ABHD3: variants seen among roughly 807,000 people sequenced by gnomAD.
ABHD3 encodes the protein abhydrolase domain containing 3, phospholipase.
A neutral mutation model predicts 48.8 loss-of-function variants in ABHD3; 46 were observed. That is an observed-to-expected ratio of 0.94 (90% CI 0.74 to 1.20). ABHD3 has a LOEUF of 1.20. Ranked by LOEUF, ABHD3 falls within the 50% of genes most tolerant of loss-of-function variation. ABHD3 has a pLI of 0.00. For missense variants in ABHD3, 490 were observed against 497.8 expected (o/e 0.98, Z 0.15); for synonymous variants, 192 against 183.7 (o/e 1.04, Z -0.36).
At chr18:21,660,155 T>G (rs1444014019) in intron 5 of ABHD3, among the ~76,000 whole-genome samples, 11 of 148,068 alleles carry the variant, frequency 7.4e-5, no homozygotes, top group Non-Finnish European at 1.5e-4. Flanking sequence ...AAATTTTTTT[T>G]TTTTTTTTGT....
At chr18:21,678,424 A>C (rs1344069663) in intron 4 of ABHD3, among the ~76,000 whole-genome samples, 1 of 152,158 alleles carries the variant, frequency 6.6e-6, no homozygotes, top group Non-Finnish European at 1.5e-5. Flanking sequence ...ATAACTAAAA[A>C]TAGGGAACCC....
intron 3 of ABHD3, among the ~76,000 whole-genome samples, chr18:21,693,964 G>A (rs138909361): frequency 2.9e-4 from 44 of 152,174 alleles, no homozygotes; most frequent in Non-Finnish European, 6.2e-4. Flanking sequence ...TCTGTAGCTA[G>A]ACTCTCCACC....
At position 21,651,485 on chromosome 18, in the gene ABHD3, C is replaced by A. The variant is rs1466502904; in HGVS notation, c.*106G>T. On this transcript the variant is annotated 3_prime_UTR_variant, in exon 9 of 9. Coordinates refer to ENST00000289119, the MANE Select transcript of ABHD3 (RefSeq NM_138340.5). ...GCATATCATTCTGGACCTCTTCACC[C>A]ATCTGCTGGCTTATTTGCTTTATAT... 7.6e-7 allele frequency: 1 copy of A among 1,317,712 alleles called. No homozygotes were observed. Among genetic ancestry groups the A allele is most frequent in the Admixed American group, 2.1e-5 (1 of 46,804 alleles). 81.6% of individuals were successfully genotyped at this position (1,317,712 alleles called of 1,614,324 possible).
intron 4 of ABHD3, among the ~76,000 whole-genome samples, chr18:21,681,285 ATTC>A (rs2146314866): frequency 6.6e-6 from 1 of 152,236 alleles, no homozygotes; most frequent in East Asian, 1.9e-4. Context: ...AATCTCACAA[ATTC>A]TTCTAAATTT....
intron 3 of ABHD3, among the ~76,000 whole-genome samples, chr18:21,685,990 G>A (rs1342703886): frequency 6.6e-6 from 1 of 152,202 alleles, no homozygotes; most frequent in Non-Finnish European, 1.5e-5. Flanking sequence ...GAGCCACCGT[G>A]CCCGGCCAGC....
intron 4 of ABHD3, among the ~76,000 whole-genome samples, chr18:21,668,535 G>C (rs1230073499): frequency 1.3e-5 from 2 of 152,134 alleles, no homozygotes; most frequent in African/African-American, 4.8e-5. Context: ...AAGGACCATA[G>C]ATGTCACTTG....
intron 3 of ABHD3, among the ~76,000 whole-genome samples, chr18:21,692,240 G>A (rs1051882565): frequency 1.1e-4 from 16 of 152,216 alleles, no homozygotes; most frequent in East Asian, 3.9e-4. Context: ...GTGAGCCACC[G>A]CACCCGGCCC....
chr18:21,672,503 T>C (rs1461919087), intron 4 of ABHD3, among the ~76,000 whole-genome samples: 1 of 152,260 alleles, frequency 6.6e-6, no homozygotes, highest in Non-Finnish European at 1.5e-5. Flanking sequence ...AATATTTCAT[T>C]GAGTATTCCT....
chr18:21,688,285 T>G (rs1172889230), intron 3 of ABHD3, among the ~76,000 whole-genome samples: 1 of 152,204 alleles, frequency 6.6e-6, no homozygotes, highest in Non-Finnish European at 1.5e-5. Context: ...AGTTCTAAGA[T>G]TCCCCAAATC....
chr18:21,673,412 G>A (rs921788009), intron 4 of ABHD3, among the ~76,000 whole-genome samples: 2 of 151,974 alleles, frequency 1.3e-5, no homozygotes, highest in Non-Finnish European at 2.9e-5. Flanking sequence ...TCCTGCCTCA[G>A]CCTCCGAGTA....
intron 3 of ABHD3, among the ~76,000 whole-genome samples, chr18:21,699,355 C>T (rs1022005195): frequency 3.3e-5 from 5 of 152,164 alleles, no homozygotes; most frequent in Admixed American, 2.0e-4. Context: ...AAACACATTC[C>T]GTCATATTAC....
intron 3 of ABHD3, among the ~76,000 whole-genome samples, chr18:21,698,939 C>CT (rs59134939): frequency 0.25 from 36,765 of 147,548 alleles, 5,046 homozygotes; most frequent in African/African-American, 0.38. Context: ...GTACTTTACA[C>CT]TTTTTTTTTT....
At position 21,688,753 on chromosome 18, in the gene ABHD3, G is replaced by A. The variant is rs78501147; in HGVS notation, c.510-4788C>T. The stretch of plus-strand genomic sequence containing the variant: ...TTCATAAAAGGTAGACAGATCTTAT[G>A]TTAGGACTTGAAAAACAGTAAAGAT... On this transcript the variant is annotated intron_variant, in intron 3 of 8. Transcript: ENST00000289119. Among the ~76,000 whole-genome samples the A allele has an allele frequency of 1.0e-3, 158 of 152,282 alleles. 2 individuals are homozygous for A. The East Asian group carries it at 0.029, about 28-fold the overall frequency.
At chr18:21,661,125 A>G (rs899008618) in intron 5 of ABHD3, among the ~76,000 whole-genome samples, 2 of 150,916 alleles carry the variant, frequency 1.3e-5, no homozygotes, top group Non-Finnish European at 3.0e-5. Flanking sequence ...AAAAAAAAAA[A>G]AGAGAAATAA....
intron 6 of ABHD3, among the ~76,000 whole-genome samples, chr18:21,658,761 AAC>A (rs1389510146): frequency 6.6e-6 from 1 of 152,206 alleles, no homozygotes; most frequent in Admixed American, 6.5e-5. Context: ...TCAGTGTATA[AAC>A]ACATATACAT....
chr18:21,703,030 A>G (rs987059061), intron 2 of ABHD3, among the ~76,000 whole-genome samples: 3 of 152,180 alleles, frequency 2.0e-5, no homozygotes, highest in Admixed American at 6.5e-5. Context: ...AATAAACTCC[A>G]GAAGGATAGA....
At chr18:21,701,975 CA>C (rs757035021) in intron 3 of ABHD3, 24 of 168,742 alleles carry the variant, frequency 1.4e-4, no homozygotes, top group Non-Finnish European at 2.2e-4. Context: ...TGTACTCTCT[CA>C]GGGGTCTGTA....
At chr18:21,673,400 T>C (rs1164703987) in intron 4 of ABHD3, among the ~76,000 whole-genome samples, 4 of 151,842 alleles carry the variant, frequency 2.6e-5, no homozygotes, top group Non-Finnish European at 4.4e-5. Context: ...TTCAAGCGAT[T>C]CTCCTGCCTC....
chr18:21,668,217 A>AAAAAAAAG (rs1370034550), intron 4 of ABHD3, among the ~76,000 whole-genome samples: 178 of 137,560 alleles, frequency 1.3e-3, no homozygotes, highest in Non-Finnish European at 2.1e-3. Context: ...AAAAAAAAAA[A>AAAAAAAAG]AAAGAAAGAA....
Sources: allele counts gnomAD v4.1 joint callset (sites outside exome capture counted in the v4.1 genomes callset), GRCh38; gene constraint gnomAD v4.1.1; transcripts MANE v1.5; gene names NCBI Gene and HGNC (gene_info 2026-07-23, HGNC 2026-07-21).